The following KLF8 variants were observed in gnomAD, a reference collection of about 807,000 sequenced individuals.
KLF8 encodes Krueppel-like factor 8.
A neutral mutation model predicts 18.2 loss-of-function variants in KLF8; 10 were observed. That is an observed-to-expected ratio of 0.55 (90% CI 0.34 to 0.93). KLF8 has a LOEUF of 0.93. KLF8 is among the 40% of genes least tolerant of loss of function. The pLI is 0.02. For missense variants in KLF8, 264 were observed against 277.9 expected, an observed-to-expected ratio of 0.95 and a Z score of 0.36; for synonymous variants, 109 against 97.3, an observed-to-expected ratio of 1.12 and a Z score of -0.71.
chrX:56,022,442 G>A, the KLF8 span, among the ~76,000 whole-genome samples: 4 of 105,997 alleles, frequency 3.8e-5, no homozygotes, highest in South Asian at 1.3e-3. Flanking sequence ...CCAGCTACTC[G>A]GGAGGCTGAG....
At chrX:55,934,677 A>G in the KLF8 span, among the ~76,000 whole-genome samples, 2 of 112,641 alleles carry the variant, frequency 1.8e-5, no homozygotes, top group Admixed American at 9.4e-5. Context: ...CTTCTAGCTG[A>G]TATCTTCAAC....
chrX:56,058,220 G>GTA, the KLF8 span, among the ~76,000 whole-genome samples: 5,846 of 24,512 alleles, frequency 0.24, 782 homozygotes, highest in African/African-American at 0.36. Context: ...ATATATACGT[G>GTA]TATATATATA....
the KLF8 span, among the ~76,000 whole-genome samples, chrX:55,940,460 A>G: frequency 8.9e-6 from 1 of 111,977 alleles, no homozygotes; most frequent in Non-Finnish European, 1.9e-5. Flanking sequence ...CCCTTTGAAC[A>G]CTGGCACAAA....
the KLF8 span, among the ~76,000 whole-genome samples, chrX:56,211,685 C>T: frequency 8.9e-6 from 1 of 111,913 alleles, no homozygotes; most frequent in Non-Finnish European, 1.9e-5. Flanking sequence ...GAGTAAAAAA[C>T]CTTTGAATTC....
rs2067283341 is a variant in KLF8, at chrX:56,287,722, T to C, written c.*3228T>C. 1 of 111,935 alleles carries C rather than the reference T, an allele frequency of 8.9e-6. No homozygotes were observed. Among genetic ancestry groups the C allele is most frequent in the Non-Finnish European group, 1.9e-5 (1 of 53,251 alleles). The allele number at this position is 111,935 out of a possible 1,213,427, so 9.2% of individuals were successfully genotyped here. A position where few individuals can be genotyped will look rare whatever the true frequency, so the allele number is the denominator to read the frequency against. On this transcript the variant is annotated 3_prime_UTR_variant, in exon 6 of 6. Transcript: ENST00000468660. Reference sequence around the variant, plus strand: ...TTTTCGATATTAACTTCTTTTAAAATAAACTTTTTATTTTCAAACAGTTTC... The same window carrying C: ...TTTTCGATATTAACTTCTTTTAAAACAAACTTTTTATTTTCAAACAGTTTC...
the KLF8 span, among the ~76,000 whole-genome samples, chrX:56,218,985 G>C: frequency 9.0e-6 from 1 of 111,419 alleles, no homozygotes; most frequent in Non-Finnish European, 1.9e-5. Context: ...TCAAAATTGT[G>C]GCATATTTTA....
At chrX:56,191,355 T>C in the KLF8 span, among the ~76,000 whole-genome samples, 1 of 111,827 alleles carries the variant, frequency 8.9e-6, no homozygotes, top group African/African-American at 3.2e-5. Context: ...ACCTGATACA[T>C]TCACAGCTAA....
At chrX:56,034,752 T>C in the KLF8 span, among the ~76,000 whole-genome samples, 2 of 61,443 alleles carry the variant, frequency 3.3e-5, no homozygotes, top group Admixed American at 3.2e-4. Context: ...TTATTTCTTT[T>C]TTTTTTTTTT....
the KLF8 span, among the ~76,000 whole-genome samples, chrX:55,934,920 AGTTAGG>A: frequency 1.8e-5 from 2 of 111,384 alleles, no homozygotes; most frequent in East Asian, 5.6e-4. Context: ...GTTTTGTTGG[AGTTAGG>A]GTTAAATCCA....
intron 4 of KLF8, among the ~76,000 whole-genome samples, chrX:56,269,879 G>T (rs2067028438): frequency 8.9e-6 from 1 of 111,736 alleles, no homozygotes; most frequent in African/African-American, 3.3e-5. Flanking sequence ...ATTTCTTTAA[G>T]CAGGAAAATG....
the KLF8 span, among the ~76,000 whole-genome samples, chrX:56,212,580 A>G: frequency 9.0e-6 from 1 of 111,494 alleles, no homozygotes; most frequent in African/African-American, 3.3e-5. Context: ...TCTGGTTTTT[A>G]TTTCTGCTCT....
chrX:56,017,169 A>T, the KLF8 span, among the ~76,000 whole-genome samples: 1 of 112,199 alleles, frequency 8.9e-6, no homozygotes, highest in African/African-American at 3.2e-5. Flanking sequence ...ATATGTTTTT[A>T]TTTGTTATTA....
the KLF8 span, among the ~76,000 whole-genome samples, chrX:56,136,386 G>A: frequency 9.0e-6 from 1 of 111,045 alleles, no homozygotes; most frequent in Admixed American, 9.6e-5. Flanking sequence ...AAACAGCATG[G>A]TACTGGTACC....
the KLF8 span, among the ~76,000 whole-genome samples, chrX:55,936,213 G>A: frequency 8.9e-6 from 1 of 111,847 alleles, no homozygotes; most frequent in Non-Finnish European, 1.9e-5. Flanking sequence ...TGTGATTGAT[G>A]ACCATCTCCC....
chrX:56,188,764 T>TG, the KLF8 span, among the ~76,000 whole-genome samples: 1 of 111,943 alleles, frequency 8.9e-6, no homozygotes, highest in Non-Finnish European at 1.9e-5. Flanking sequence ...AAACAAGCAA[T>TG]GGGGAAAGAA....
chrX:55,983,694 T>G, the KLF8 span, among the ~76,000 whole-genome samples: 1 of 111,506 alleles, frequency 9.0e-6, no homozygotes, highest in Admixed American at 9.6e-5. Flanking sequence ...TATATAGTGG[T>G]GAAATCTGGG....
chrX:56,113,582 G>A, the KLF8 span, among the ~76,000 whole-genome samples: 2 of 28,696 alleles, frequency 7.0e-5, no homozygotes, highest in Admixed American at 4.2e-4. Flanking sequence ...TTTTTGTGAT[G>A]TCTAGACAAA....
the KLF8 span, among the ~76,000 whole-genome samples, chrX:56,082,494 A>G: frequency 1.8e-5 from 2 of 108,287 alleles, no homozygotes; most frequent in Non-Finnish European, 3.8e-5. Flanking sequence ...TGCTTCTGCT[A>G]GATTTGGATT....
At chrX:56,229,624 C>T (rs1419219315), upstream of KLF8, among the ~76,000 whole-genome samples, 3 of 111,787 alleles carry the variant, frequency 2.7e-5, no homozygotes, top group Non-Finnish European at 5.6e-5. Flanking sequence ...CAAACTCCTG[C>T]CTTTGACATT....
Sources: gnomAD v4.1 joint callset for allele counts (sites outside exome capture counted in the v4.1 genomes callset) on GRCh38, gnomAD v4.1.1 for gene constraint, MANE v1.5 for transcripts, NCBI Gene and HGNC (gene_info 2026-07-23, HGNC 2026-07-21) for gene names.